The following CLIC5 variants were observed in gnomAD, a reference collection of about 807,000 sequenced individuals.
CLIC5 encodes the protein CLIC family member 5.
In CLIC5, 20 loss-of-function variants were observed where a neutral mutation model predicts 24.7. The observed-to-expected ratio is 0.81, with a 90% CI of 0.57 to 1.18. CLIC5 has a LOEUF of 1.18. Among genes scored for constraint, CLIC5 ranks in the 50% most tolerant of loss-of-function variants. CLIC5 has a pLI of 0.00. For missense variants in CLIC5, 341 were observed against 326.1 expected (o/e 1.05, Z -0.35); for synonymous variants, 159 against 135.6 (o/e 1.17, Z -1.20).
the CLIC5 span, among the ~76,000 whole-genome samples, chr6:46,127,445 G>A: frequency 6.6e-6 from 1 of 152,012 alleles, no homozygotes; most frequent in South Asian, 2.1e-4. Context: ...GGGTTTAAAG[G>A]CTCTCTATAT....
At chr6:45,988,387 T>C (rs980635625) in intron 1 of CLIC5, among the ~76,000 whole-genome samples, 4 of 152,178 alleles carry the variant, frequency 2.6e-5, no homozygotes, top group Admixed American at 2.6e-4. Flanking sequence ...ATTGATTAAG[T>C]CTCAGCCACG....
chr6:45,988,202 G>T (rs1367357123), intron 1 of CLIC5, among the ~76,000 whole-genome samples: 3 of 152,160 alleles, frequency 2.0e-5, no homozygotes, highest in Admixed American at 6.5e-5. Flanking sequence ...ATTACAAAAA[G>T]GAGAAATTGG....
chr6:45,915,774 C>T (rs1216807398), intron 4 of CLIC5, among the ~76,000 whole-genome samples: 1 of 152,150 alleles, frequency 6.6e-6, no homozygotes, highest in South Asian at 2.1e-4. Context: ...CACTGAAAAT[C>T]GTTTTGCCCA....
intron 1 of CLIC5, among the ~76,000 whole-genome samples, chr6:46,059,296 A>G (rs6931467): frequency 0.71 from 107,440 of 152,186 alleles, 38,280 homozygotes; most frequent in African/African-American, 0.8. Context: ...GCCACATTGC[A>G]TACGGTTGTA....
chr6:45,985,320 C>T (rs1431273743), intron 1 of CLIC5, among the ~76,000 whole-genome samples: 1 of 152,122 alleles, frequency 6.6e-6, no homozygotes, highest in Admixed American at 6.6e-5. Context: ...AGGGTTTAAT[C>T]TCATATACTC....
intron 1 of CLIC5, among the ~76,000 whole-genome samples, chr6:46,075,986 C>T (rs1762755141): frequency 6.6e-6 from 1 of 152,224 alleles, no homozygotes; most frequent in African/African-American, 2.4e-5. Context: ...ACTGCTGTCA[C>T]AGTAACGCAC....
chr6:45,998,747 A>G (rs1424890229), intron 1 of CLIC5, among the ~76,000 whole-genome samples: 1 of 152,146 alleles, frequency 6.6e-6, no homozygotes, highest in Non-Finnish European at 1.5e-5. Context: ...CCTCATAACC[A>G]TTTACAGCAA....
chr6:46,038,890 AT>A (rs1332385668), intron 1 of CLIC5, among the ~76,000 whole-genome samples: 3 of 152,236 alleles, frequency 2.0e-5, no homozygotes, highest in Non-Finnish European at 4.4e-5. Flanking sequence ...GAAAAGATAA[AT>A]TCACTAAAAT....
At chr6:46,043,700 T>C (rs2127461729) in intron 1 of CLIC5, among the ~76,000 whole-genome samples, 1 of 152,264 alleles carries the variant, frequency 6.6e-6, no homozygotes, top group Non-Finnish European at 1.5e-5. Flanking sequence ...ACTGTGGAGA[T>C]GGGAAGAAAG....
intron 4 of CLIC5, among the ~76,000 whole-genome samples, chr6:45,926,415 ATT>A (rs1230203093): frequency 2.8e-5 from 4 of 140,826 alleles, no homozygotes; most frequent in Non-Finnish European, 3.1e-5. Context: ...ACCCGGCTAA[ATT>A]TTTTTTTTTT....
intron 1 of CLIC5, among the ~76,000 whole-genome samples, chr6:46,079,116 A>G (rs777251406): frequency 8.5e-5 from 13 of 152,202 alleles, no homozygotes; most frequent in Non-Finnish European, 1.9e-4. Context: ...TTTATCATCT[A>G]ATACAAAGAT....
chr6:46,005,466 T>A lies in CLIC5; in HGVS notation c.63+10014A>T, dbSNP rs9472659. Among the ~76,000 whole-genome samples, 763 of 152,240 alleles carry A rather than the reference T, an allele frequency of 5.0e-3. 5 individuals are homozygous for A. Among genetic ancestry groups the A allele is most frequent in the African/African-American group, 0.018 (734 of 41,548 alleles). ...ACCCTGCCTCAGATGCAGGGCCAAA[T>A]GCACCATGTTTAGATAATTAAGCAC... On this transcript the variant is annotated intron_variant, in intron 1 of 5. Transcript: ENST00000339561.
intron 1 of CLIC5, among the ~76,000 whole-genome samples, chr6:46,003,594 C>G (rs1766437756): frequency 6.6e-6 from 1 of 152,188 alleles, no homozygotes; most frequent in African/African-American, 2.4e-5. Flanking sequence ...TACCAAATCT[C>G]TCCTACATTT....
At chr6:46,032,981 A>ATTTTT (rs35845581) in intron 1 of CLIC5, among the ~76,000 whole-genome samples, 17 of 79,020 alleles carry the variant, frequency 2.2e-4, no homozygotes, top group Admixed American at 4.9e-4. Flanking sequence ...GGAAATCTAC[A>ATTTTT]TTTTTTTTTT....
At chr6:46,025,362 C>T (rs1767300650) in intron 1 of CLIC5, among the ~76,000 whole-genome samples, 1 of 152,202 alleles carries the variant, frequency 6.6e-6, no homozygotes, top group African/African-American at 2.4e-5. Flanking sequence ...CACTTAATCC[C>T]TCACTGCAAA....
chr6:46,114,378 C>T, the CLIC5 span, among the ~76,000 whole-genome samples: 1 of 152,204 alleles, frequency 6.6e-6, no homozygotes, highest in Non-Finnish European at 1.5e-5. Flanking sequence ...ATTACCGTCA[C>T]CCCCAGAAGA....
At chr6:46,074,488 G>C (rs894825839) in intron 1 of CLIC5, among the ~76,000 whole-genome samples, 4 of 152,166 alleles carry the variant, frequency 2.6e-5, no homozygotes, top group African/African-American at 9.7e-5. Flanking sequence ...AACCAGTGTT[G>C]TTCTGTTGCC....
chr6:45,941,692 T>A, intron 3 of CLIC5, 39 bp from the exon 4 acceptor site: 1 of 1,444,200 alleles, frequency 6.9e-7, no homozygotes, highest in Non-Finnish European at 9.8e-7. Flanking sequence ...ATCAGTAGAC[T>A]TGGAGCTCCT....
chr6:46,091,263 A>G, the CLIC5 span, among the ~76,000 whole-genome samples: 1 of 152,136 alleles, frequency 6.6e-6, no homozygotes, highest in African/African-American at 2.4e-5. Context: ...CCCCTAACCC[A>G]CCAACCTCTT....
Sources: allele counts gnomAD v4.1 joint callset (sites outside exome capture counted in the v4.1 genomes callset), GRCh38; gene constraint gnomAD v4.1.1; transcripts MANE v1.5; gene names NCBI Gene and HGNC (gene_info 2026-07-23, HGNC 2026-07-21).